Variants in TBCE observed in about 807,000 individuals in gnomAD.
The protein encoded by TBCE is tubulin-specific chaperone E.
TBCE carries 53 observed loss-of-function variants against 77.0 expected under a neutral mutation model. The ratio of observed to expected loss-of-function variants is 0.69; its 90% confidence interval spans 0.55 to 0.87. The LOEUF is 0.87. Ranked by LOEUF, TBCE falls within the 40% of genes least tolerant of loss-of-function variation. TBCE has a pLI of 0.00. For synonymous variants in TBCE, 235 were observed against 241.3 expected, an observed-to-expected ratio of 0.97 and a Z score of 0.24; for missense variants, 624 against 622.4, an observed-to-expected ratio of 1.00 and a Z score of -0.03.
intron 2 of TBCE, among the ~76,000 whole-genome samples, chr1:235,388,597 T>G (rs1378279794): frequency 6.6e-6 from 1 of 152,168 alleles, no homozygotes; most frequent in East Asian, 1.9e-4. Context: ...CTCTACTCTG[T>G]TACTTCTAAG....
At chr1:235,379,357 G>A (rs1010617478) in intron 1 of TBCE, among the ~76,000 whole-genome samples, 4 of 151,838 alleles carry the variant, frequency 2.6e-5, no homozygotes, top group Non-Finnish European at 5.9e-5. Flanking sequence ...GTGAAACCCC[G>A]TCTATACTAA....
intron 7 of TBCE, among the ~76,000 whole-genome samples, chr1:235,431,905 C>G (rs942074142): frequency 6.6e-6 from 1 of 151,114 alleles, no homozygotes; most frequent in African/African-American, 2.4e-5. Context: ...CTCCTGACTT[C>G]AGGTGATCCA....
chr1:235,435,577 G>A (rs1167889015), intron 8 of TBCE, among the ~76,000 whole-genome samples, 168 bp from the exon 9 acceptor site: 2 of 152,114 alleles, frequency 1.3e-5, no homozygotes, highest in Non-Finnish European at 2.9e-5. Flanking sequence ...ATACCGGCAG[G>A]AATATGTGCA....
At chr1:235,369,545 G>C (rs1676774182) in intron 1 of TBCE, among the ~76,000 whole-genome samples, 1 of 151,418 alleles carries the variant, frequency 6.6e-6, no homozygotes, top group South Asian at 2.1e-4. Context: ...AAACTGGCTG[G>C]GCGCAGTGGC....
intron 5 of TBCE, among the ~76,000 whole-genome samples, chr1:235,426,260 A>G (rs1680709027): frequency 6.6e-6 from 1 of 152,038 alleles, no homozygotes; most frequent in South Asian, 2.1e-4. Context: ...TTGCTTTTCC[A>G]GCCCCACTGT....
chr1:235,390,498 T>C (rs1045954813), intron 2 of TBCE, among the ~76,000 whole-genome samples: 3 of 152,114 alleles, frequency 2.0e-5, no homozygotes, highest in African/African-American at 7.2e-5. Context: ...ACACCTGTAG[T>C]CCCAGCACTT....
chr1:235,450,188 T>C lies in TBCE; in HGVS notation c.*1426T>C, dbSNP rs778188092. On this transcript the variant is annotated 3_prime_UTR_variant, in exon 17 of 17. Transcript: ENST00000642610. ...GTTTGCCTGCCCTGATTTTAGACTC[T>C]GCTAATTCAAGTCCCTGTTATCTTG... 1 of 1,614,012 alleles carries C rather than the reference T, an allele frequency of 6.2e-7. No homozygotes were observed. Among genetic ancestry groups the C allele is most frequent in the Admixed American group, 1.7e-5 (1 of 60,016 alleles).
chr1:235,402,000 T>C (rs4659838), intron 3 of TBCE, among the ~76,000 whole-genome samples: 110,927 of 151,560 alleles, frequency 0.73, 41,835 homozygotes, highest in African/African-American at 0.93. Context: ...TAGTGGAATG[T>C]TGAGCCACCA....
chr1:235,450,066 T>C lies in TBCE; in HGVS notation c.*1304T>C, dbSNP rs903059346. 1.1e-5 allele frequency: 11 copies of C among 1,003,232 alleles called. 1 individual carries two copies. Among genetic ancestry groups the C allele is most frequent in the South Asian group, 5.2e-5 (3 of 57,212 alleles). The allele number at this position is 1,003,232 out of a possible 1,614,324, so 62.1% of individuals were successfully genotyped here. On this transcript the variant is annotated 3_prime_UTR_variant, in exon 17 of 17. Transcript: ENST00000642610. ...TGTGCAAACATTAAGAAACACCGCA[T>C]TGGTTCTGGGTGAAAGTGCCAGTCT...
At chr1:235,371,038 CTTTTTTTTTTTTTTTTTTTTTTT>C (rs71174417) in intron 1 of TBCE, among the ~76,000 whole-genome samples, 3 of 23,310 alleles carry the variant, frequency 1.3e-4, no homozygotes, top group African/African-American at 4.0e-4. Flanking sequence ...TCACGCCTGG[CTTTTTTTTTTTTTTTTTTTTTTT>C]TTTTTTTTTT....
intron 5 of TBCE, among the ~76,000 whole-genome samples, chr1:235,420,056 C>G (rs1438343846): frequency 6.7e-6 from 1 of 149,982 alleles, no homozygotes; most frequent in Non-Finnish European, 1.5e-5. Context: ...GTGCACTCAG[C>G]CTGGAGACAG....
intron 15 of TBCE, among the ~76,000 whole-genome samples, chr1:235,448,123 C>A (rs938463255): frequency 8.6e-5 from 13 of 150,902 alleles, no homozygotes; most frequent in African/African-American, 3.2e-4. Flanking sequence ...TTGTTTGAAC[C>A]CGGGAAGCGG....
intron 1 of TBCE, among the ~76,000 whole-genome samples, chr1:235,371,655 C>A (rs938627310): frequency 1.3e-5 from 2 of 151,824 alleles, no homozygotes; most frequent in Admixed American, 6.6e-5. Flanking sequence ...GGATTACAGG[C>A]GTGAGCTACA....
intron 3 of TBCE, among the ~76,000 whole-genome samples, chr1:235,405,496 C>T (rs1488568328): frequency 6.6e-6 from 1 of 151,596 alleles, no homozygotes; most frequent in African/African-American, 2.4e-5. Context: ...ATTAGCTGGG[C>T]ATGGTGGCAT....
intron 2 of TBCE, among the ~76,000 whole-genome samples, chr1:235,393,956 T>C (rs1290141065): frequency 2.0e-5 from 3 of 152,246 alleles, no homozygotes; most frequent in Non-Finnish European, 4.4e-5. Context: ...GTGAAAATTG[T>C]AGTGTAATTA....
intron 3 of TBCE, among the ~76,000 whole-genome samples, chr1:235,407,208 G>A (rs2382570): frequency 0.5 from 73,906 of 148,334 alleles, 18,676 homozygotes; most frequent in East Asian, 0.65. Flanking sequence ...ATCATGGCTC[G>A]TTGCAGCCTC....
intron 1 of TBCE, among the ~76,000 whole-genome samples, chr1:235,372,848 C>T (rs111731628): frequency 6.7e-6 from 1 of 149,044 alleles, no homozygotes; most frequent in African/African-American, 2.5e-5. Context: ...GGCGTGAACC[C>T]GGGAGGCGGA....
At chr1:235,433,303 C>T (rs1296122718) in intron 7 of TBCE, 1 of 582,482 alleles carries the variant, frequency 1.7e-6, no homozygotes, top group African/African-American at 2.0e-5. Flanking sequence ...TCACTGCAAC[C>T]TCTGCCTCCT....
Position 235,449,000 on chromosome 1 carries a change from TACAGCTCATCACTGC to T in TBCE, c.*240_*254del. 1 of 445,916 alleles carries T rather than the reference TACAGCTCATCACTGC, an allele frequency of 2.2e-6. No homozygotes were observed. The highest frequency in any genetic ancestry group is 2.2e-5 in the South Asian group (1 of 46,450). 27.6% of individuals were successfully genotyped at this position (445,916 alleles called of 1,614,324 possible). ...TCTGATCTTATTTCATATTTATTTT[TACAGCTCATCACTGC>T]ATTTCATGATAAGATTTAAATATTA... is the stretch of plus-strand genomic sequence containing the variant. On this transcript the variant is annotated 3_prime_UTR_variant, in exon 17 of 17. Transcript: ENST00000642610.
Sources: allele counts gnomAD v4.1 joint callset (sites outside exome capture counted in the v4.1 genomes callset), GRCh38; gene constraint gnomAD v4.1.1; transcripts MANE v1.5; gene names NCBI Gene and HGNC (gene_info 2026-07-23, HGNC 2026-07-21).